Variants in SCMH1 observed in about 807,000 individuals in gnomAD.
The protein encoded by SCMH1 is polycomb protein SCMH1.
A neutral mutation model predicts 70.8 loss-of-function variants in SCMH1; 37 were observed. That is an observed-to-expected ratio of 0.52 (90% confidence interval 0.40 to 0.69). The LOEUF is 0.69. Among genes scored for constraint, SCMH1 ranks in the 30% least tolerant of loss-of-function variants. The pLI is 0.00. For synonymous variants in SCMH1, 292 were observed against 307.4 expected (o/e 0.95, Z 0.52); for missense variants, 607 against 827.3 (o/e 0.73, Z 3.27).
At chr1:41,210,857 T>G (rs922943193) in intron 1 of SCMH1, among the ~76,000 whole-genome samples, 1 of 151,864 alleles carries the variant, frequency 6.6e-6, no homozygotes, top group Non-Finnish European at 1.5e-5. Flanking sequence ...TCACTCAGGC[T>G]GGAGTGCAAT....
chr1:41,070,708 G>A lies in SCMH1; in HGVS notation c.992C>T (p.Thr331Ile), dbSNP rs763556034. ...TGAGGCAGGTGGTGGGTTCAGCAAA[G>A]TCCGAGGTTTCCTCTGTCAAAATGA... is the stretch of plus-strand genomic sequence containing the variant. The change falls in exon 10 of 15, where the codon ACT (threonine) becomes ATT (isoleucine). Residue 331 changes from threonine (T) to isoleucine (I), a missense_variant. Physicochemically the swap from Thr to Ile is moderately conservative, Grantham distance 89. Coordinates refer to ENST00000337495, the Ensembl canonical transcript of SCMH1. 3.7e-6 allele frequency: 6 copies of A among 1,613,958 alleles called. No homozygotes were observed. In the African/African-American group the frequency reaches 6.7e-5, roughly 18 times the overall value.
intron 11 of SCMH1, among the ~76,000 whole-genome samples, chr1:41,047,541 C>T (rs942409020): frequency 2.6e-4 from 39 of 152,008 alleles, no homozygotes; most frequent in Non-Finnish European, 3.7e-4. Context: ...GGACTACAGG[C>T]GTGCACCACC....
intron 8 of SCMH1, among the ~76,000 whole-genome samples, chr1:41,104,797 T>A (rs980680530): frequency 2.6e-5 from 4 of 152,018 alleles, no homozygotes; most frequent in Admixed American, 6.6e-5. Flanking sequence ...GAAAAAAAGC[T>A]GGGTGGAAGG....
At chr1:41,200,712 A>T (rs1654157976) in intron 1 of SCMH1, among the ~76,000 whole-genome samples, 1 of 152,064 alleles carries the variant, frequency 6.6e-6, no homozygotes, top group Non-Finnish European at 1.5e-5. Flanking sequence ...TTAAAAATAA[A>T]ACTTTAATCT....
intron 2 of SCMH1, among the ~76,000 whole-genome samples, chr1:41,179,865 G>A (rs1433402539): frequency 6.6e-6 from 1 of 152,198 alleles, no homozygotes; most frequent in African/African-American, 2.4e-5. Flanking sequence ...CTCATTTTAT[G>A]AGGCCAGCAT....
chr1:41,124,168 C>T (rs1672608916), intron 6 of SCMH1, among the ~76,000 whole-genome samples: 1 of 152,040 alleles, frequency 6.6e-6, no homozygotes, highest in African/African-American at 2.4e-5. Flanking sequence ...TTACCATTTT[C>T]CCACATCTGC....
At chr1:41,028,178 G>A (rs1261004338) in exon 15 of SCMH1, 5 of 1,614,012 alleles carry the variant, frequency 3.1e-6, no homozygotes, top group East Asian at 2.2e-5. Flanking sequence ...TGGTTGTCTA[G>A]GCTGCCTCTC....
At chr1:41,155,863 T>C (rs190881576) in intron 4 of SCMH1, among the ~76,000 whole-genome samples, 1 of 151,452 alleles carries the variant, frequency 6.6e-6, no homozygotes, top group Admixed American at 6.6e-5. Context: ...CAGGCACCTA[T>C]AATCCCAGCT....
intron 6 of SCMH1, among the ~76,000 whole-genome samples, chr1:41,126,806 A>C (rs1572389143): frequency 6.6e-6 from 1 of 152,076 alleles, no homozygotes; most frequent in South Asian, 2.1e-4. Flanking sequence ...TCAATCTCTT[A>C]ATGTTGCAAA....
At chr1:41,054,764 A>G (rs148455875) in intron 10 of SCMH1, among the ~76,000 whole-genome samples, 2 of 152,310 alleles carry the variant, frequency 1.3e-5, no homozygotes, top group Middle Eastern at 3.4e-3. Context: ...GACAGTTCAA[A>G]GAAAGCCCCT....
In SCMH1 at chr1:41,040,490, T is replaced by C. The variant is rs116699164; in HGVS notation, c.1499-2949A>G. The stretch of plus-strand genomic sequence containing the variant: ...GGGCAGTCATGGGAAAAGAAGAAGA[T>C]TGGAGGTAGATTTGCTCTTTTGGAA... On this transcript the variant is annotated intron_variant, in intron 12 of 14. Coordinates refer to ENST00000337495, the Ensembl canonical transcript of SCMH1. Among the ~76,000 whole-genome samples the C allele has an allele frequency of 4.3e-3, 649 of 151,920 alleles. 4 individuals are homozygous for C. Among genetic ancestry groups the C allele is most frequent in the Non-Finnish European group, 4.5e-3 (308 of 67,930 alleles).
chr1:41,117,989 G>A (rs1031761153), intron 6 of SCMH1, among the ~76,000 whole-genome samples: 3 of 152,018 alleles, frequency 2.0e-5, no homozygotes, highest in African/African-American at 4.8e-5. Flanking sequence ...TTATCTCTTC[G>A]TCTTGTGTCT....
At chr1:41,117,042 AGTATGTTTC>A in intron 6 of SCMH1, 32 bp from the exon 7 acceptor site, 1 of 1,576,194 alleles carries the variant, frequency 6.3e-7, no homozygotes, top group Non-Finnish European at 8.6e-7. Flanking sequence ...ACAGATTAAA[AGTATGTTTC>A]AAAAATGAAT....
chr1:41,203,943 A>C (rs1654936616), intron 1 of SCMH1, among the ~76,000 whole-genome samples: 1 of 151,718 alleles, frequency 6.6e-6, no homozygotes, highest in South Asian at 2.1e-4. Context: ...CCCACTTCAC[A>C]CCTCTATATT....
At chr1:41,175,696 C>A (rs1647070679) in intron 2 of SCMH1, among the ~76,000 whole-genome samples, 1 of 152,188 alleles carries the variant, frequency 6.6e-6, no homozygotes. Flanking sequence ...TGCCACCTCT[C>A]TATCTTATGT....
chr1:41,222,495 A>T (rs1659492200), intron 1 of SCMH1, among the ~76,000 whole-genome samples: 1 of 152,136 alleles, frequency 6.6e-6, no homozygotes, highest in Admixed American at 6.5e-5. Flanking sequence ...TACTATACTA[A>T]CTCTTTATAA....
chr1:41,114,297 C>T (rs1669917571), intron 7 of SCMH1, among the ~76,000 whole-genome samples: 1 of 152,094 alleles, frequency 6.6e-6, no homozygotes. Flanking sequence ...TAGAGAGTTC[C>T]TGGGTGCTAA....
chr1:41,060,026 CAG>C (rs1293083170), intron 10 of SCMH1, among the ~76,000 whole-genome samples: 1 of 145,652 alleles, frequency 6.9e-6, no homozygotes, highest in Non-Finnish European at 1.5e-5. Context: ...AAAACCATAA[CAG>C]AATATTCAAG....
intron 2 of SCMH1, among the ~76,000 whole-genome samples, chr1:41,174,556 T>G (rs904420808): frequency 6.6e-6 from 1 of 152,166 alleles, no homozygotes; most frequent in Non-Finnish European, 1.5e-5. Flanking sequence ...TGGGTCACCC[T>G]GCTGGGTAAA....
Sources: gnomAD v4.1 joint callset for allele counts (sites outside exome capture counted in the v4.1 genomes callset) on GRCh38, gnomAD v4.1.1 for gene constraint, MANE v1.5 for transcripts, NCBI Gene and HGNC (gene_info 2026-07-23, HGNC 2026-07-21) for gene names.